The following CLNK variants were observed in gnomAD, a reference collection of about 807,000 sequenced individuals.
CLNK encodes cytokine-dependent hematopoietic cell linker.
In CLNK, 74 loss-of-function variants were observed where a neutral mutation model predicts 68.6. The observed-to-expected ratio is 1.08, with a 90% CI of 0.89 to 1.31. The LOEUF (loss-of-function observed/expected upper bound fraction) is 1.31, where lower values mean the gene tolerates loss of function less well. Among genes scored for constraint, CLNK ranks in the 50% most tolerant of loss-of-function variants. The probability of loss-of-function intolerance (pLI) is 0.00; values close to 1 mark genes in which losing one functional copy is unlikely to be tolerated. For missense variants in CLNK, 553 were observed against 515.3 expected, an observed-to-expected ratio of 1.07 and a Z score of -0.71; for synonymous variants, 198 against 172.2, an observed-to-expected ratio of 1.15 and a Z score of -1.17.
intron 16 of CLNK, among the ~76,000 whole-genome samples, chr4:10,512,523 G>A (rs962000677): frequency 6.6e-6 from 1 of 152,100 alleles, no homozygotes; most frequent in Non-Finnish European, 1.5e-5. Context: ...GAGCCACCGT[G>A]CCTGGCCAGG....
chr4:10,695,474 C>T, the CLNK span, among the ~76,000 whole-genome samples: 1 of 152,132 alleles, frequency 6.6e-6, no homozygotes, highest in South Asian at 2.1e-4. Context: ...CTAGCTCATC[C>T]CTGGCCAACT....
At chr4:10,721,338 A>G in the CLNK span, among the ~76,000 whole-genome samples, 1 of 152,162 alleles carries the variant, frequency 6.6e-6, no homozygotes, top group Non-Finnish European at 1.5e-5. Flanking sequence ...GAAAATGGGT[A>G]AAGGGCACAC....
the CLNK span, among the ~76,000 whole-genome samples, chr4:10,729,152 T>C: frequency 1.9e-4 from 29 of 152,312 alleles, no homozygotes; most frequent in East Asian, 4.8e-3. Flanking sequence ...CTCTTCTGAA[T>C]TTTTCTCTTT....
In CLNK at chr4:10,487,191, G is replaced by A. The variant is rs1490298401; in HGVS notation, c.*3276C>T. On this transcript the variant is annotated 3_prime_UTR_variant, in exon 19 of 19. Coordinates refer to ENST00000226951, the MANE Select transcript of CLNK (RefSeq NM_052964.4). Reference sequence around the variant, plus strand: ...AAGGGATTAAAACACTGGAATTTGGGCATGCCAAATCCAAATCATTGAATA... The same window carrying A: ...AAGGGATTAAAACACTGGAATTTGGACATGCCAAATCCAAATCATTGAATA... 1 of 152,162 alleles carries A rather than the reference G, an allele frequency of 6.6e-6. No individual in the cohort carries two copies. Among genetic ancestry groups the A allele is most frequent in the Non-Finnish European group, 1.5e-5 (1 of 68,044 alleles). 9.4% of individuals were successfully genotyped at this position (152,162 alleles called of 1,614,324 possible).
chr4:10,706,674 G>A, the CLNK span, among the ~76,000 whole-genome samples: 10 of 152,160 alleles, frequency 6.6e-5, no homozygotes, highest in Non-Finnish European at 1.5e-4. Context: ...AATATTGGGA[G>A]TTCTGTGGTC....
At chr4:10,527,501 T>C (rs1718365322) in intron 13 of CLNK, among the ~76,000 whole-genome samples, 1 of 152,230 alleles carries the variant, frequency 6.6e-6, no homozygotes, top group Non-Finnish European at 1.5e-5. Flanking sequence ...CTCTTTGGGC[T>C]GTGATGCAGG....
rs13121626 is a variant in CLNK at position 10,489,927 on chromosome 4, A to C, written c.*540T>G. On this transcript the variant is annotated 3_prime_UTR_variant, in exon 19 of 19. Coordinates refer to ENST00000226951, the MANE Select transcript of CLNK (RefSeq NM_052964.4). ...GTGATCTGTCCACCTCAGCCTCCCA[A>C]AGTGCTGGGATTACAGGCATGAGGC... The C allele has an allele frequency of 0.71, 108,225 of 152,368 alleles. 39,164 individuals are homozygous for C. Among genetic ancestry groups the C allele is most frequent in the Non-Finnish European group, 0.79 (54,108 of 68,428 alleles). 9.4% of individuals were successfully genotyped at this position (152,368 alleles called of 1,614,324 possible).
At chr4:10,726,346 C>T in the CLNK span, among the ~76,000 whole-genome samples, 1 of 152,170 alleles carries the variant, frequency 6.6e-6, no homozygotes, top group African/African-American at 2.4e-5. Context: ...GTCTCGATCT[C>T]TTGACCTCGT....
At chr4:10,575,116 A>G (rs568193896) in intron 4 of CLNK, among the ~76,000 whole-genome samples, 3 of 152,244 alleles carry the variant, frequency 2.0e-5, no homozygotes, top group South Asian at 4.1e-4. Context: ...TCCGTATTGT[A>G]TTCTGAGTTG....
intron 2 of CLNK, among the ~76,000 whole-genome samples, chr4:10,604,137 C>T (rs1265582066): frequency 6.6e-6 from 1 of 152,146 alleles, no homozygotes; most frequent in Non-Finnish European, 1.5e-5. Context: ...CTTCCTCATA[C>T]ATTGATTGCA....
chr4:10,682,211 G>A (rs576477792), intron 1 of CLNK, among the ~76,000 whole-genome samples: 11 of 151,934 alleles, frequency 7.2e-5, no homozygotes, highest in Non-Finnish European at 7.4e-5. Flanking sequence ...TGGTAAAATC[G>A]TGAATGTTTG....
At chr4:10,711,629 C>G in the CLNK span, among the ~76,000 whole-genome samples, 1 of 152,106 alleles carries the variant, frequency 6.6e-6, no homozygotes, top group African/African-American at 2.4e-5. Flanking sequence ...TGAAGCCTGT[C>G]TTTTTCCTGA....
intron 2 of CLNK, among the ~76,000 whole-genome samples, chr4:10,607,987 G>A (rs905992278): frequency 3.9e-5 from 6 of 152,178 alleles, no homozygotes; most frequent in Admixed American, 3.9e-4. Context: ...AAACAGAGAG[G>A]AATAAGAGTG....
At chr4:10,699,280 A>ATG in the CLNK span, among the ~76,000 whole-genome samples, 4 of 68,358 alleles carry the variant, frequency 5.9e-5, no homozygotes, top group African/African-American at 2.3e-4. Context: ...CACACACACC[A>ATG]CATACGTGTA....
intron 5 of CLNK, among the ~76,000 whole-genome samples, chr4:10,566,711 C>T (rs944544714): frequency 5.3e-5 from 8 of 152,044 alleles, no homozygotes; most frequent in Admixed American, 2.0e-4. Context: ...GGGCTAGGTG[C>T]GGTGGCTCAT....
chr4:10,624,396 C>T (rs1722580946), intron 2 of CLNK, among the ~76,000 whole-genome samples: 1 of 152,104 alleles, frequency 6.6e-6, no homozygotes, highest in East Asian at 1.9e-4. Context: ...GGGTTCACGC[C>T]ATTCTCCTGC....
chr4:10,705,431 T>A, the CLNK span, among the ~76,000 whole-genome samples: 1 of 152,176 alleles, frequency 6.6e-6, no homozygotes, highest in East Asian at 1.9e-4. Context: ...CCAAAATGAG[T>A]CTCACTGGGC....
intron 2 of CLNK, among the ~76,000 whole-genome samples, chr4:10,607,353 G>T (rs1178435043): frequency 6.6e-6 from 1 of 152,186 alleles, no homozygotes; most frequent in Non-Finnish European, 1.5e-5. Context: ...GACACAGTGG[G>T]TCTTGTTATC....
At chr4:10,514,004 C>T (rs1344418427) in intron 15 of CLNK, among the ~76,000 whole-genome samples, 2 of 99,316 alleles carry the variant, frequency 2.0e-5, no homozygotes, top group African/African-American at 3.8e-5. Context: ...GCTATCCCTC[C>T]CCCCTCCCCC....
Sources: allele counts gnomAD v4.1 joint callset (sites outside exome capture counted in the v4.1 genomes callset), GRCh38; gene constraint gnomAD v4.1.1; transcripts MANE v1.5; gene names NCBI Gene and HGNC (gene_info 2026-07-23, HGNC 2026-07-21).